The following PTPRS variants were observed in gnomAD, a reference collection of about 807,000 sequenced individuals.
PTPRS encodes receptor-type tyrosine-protein phosphatase S.
PTPRS carries 63 observed loss-of-function variants against 215.3 expected under a neutral mutation model. The observed-to-expected ratio is 0.29, with a 90% CI of 0.24 to 0.36. PTPRS has a LOEUF of 0.36. PTPRS is among the 10% of genes least tolerant of loss of function. The pLI, the probability that PTPRS is intolerant of heterozygous loss-of-function variation, is 1.00. For synonymous variants in PTPRS, 1,404 were observed against 1,191.4 expected, an observed-to-expected ratio of 1.18 and a Z score of -3.68; for missense variants, 2,258 against 2,825.8, an observed-to-expected ratio of 0.80 and a Z score of 4.56.
At position 5,335,571 on chromosome 19, in the gene PTPRS, G is replaced by A. The variant is rs1021774581; in HGVS notation, c.-95+5093C>T. Among the ~76,000 whole-genome samples the A allele has an allele frequency of 7.9e-5, 12 of 152,322 alleles. No individual in the cohort carries two copies. In the East Asian group the frequency reaches 2.3e-3, roughly 29 times the overall value. The stretch of plus-strand genomic sequence containing the variant: ...AGGGGAATTTTCAGTTCTCCAGGTA[G>A]GGGGAACAGGAGACAGCTGGCCCTT... On this transcript the variant is annotated intron_variant, in intron 1 of 37. Coordinates refer to ENST00000262963, the MANE Select transcript of PTPRS (RefSeq NM_002850.4).
In PTPRS at chr19:5,265,212, TGA is replaced by T; in HGVS notation, c.380-18_380-17del. 6.2e-7 allele frequency: 1 copy of T among 1,607,432 alleles called. No homozygotes were observed. The highest frequency in any genetic ancestry group is 1.1e-5 in the South Asian group (1 of 90,712). On this transcript the variant is annotated splice_polypyrimidine_tract_variant and intron_variant, in intron 4 of 37. Transcript: ENST00000262963. ...AGCTGGTCCTCTGAGGGCAGAGACG[TGA>T]GAGAAATGGGCATGGTTCTGAGCAC...
intron 36 of PTPRS, 48 bp from the exon 37 acceptor site, chr19:5,208,105 A>G (rs769436280): frequency 1.3e-6 from 2 of 1,592,618 alleles, no homozygotes; most frequent in Admixed American, 1.7e-5. Flanking sequence ...GGTGCTGGGG[A>G]GCCCTGATCT....
intron 1 of PTPRS, among the ~76,000 whole-genome samples, chr19:5,313,744 C>T (rs1328471199): frequency 2.0e-5 from 3 of 152,208 alleles, no homozygotes; most frequent in Admixed American, 1.3e-4. Context: ...CCTGCCTCAG[C>T]GGAACCAACC....
chr19:5,333,868 C>T (rs943886336), intron 1 of PTPRS, among the ~76,000 whole-genome samples: 2 of 152,194 alleles, frequency 1.3e-5, no homozygotes, highest in East Asian at 1.9e-4. Context: ...GGTGAATATT[C>T]GAATGAATGC....
rs147902646 is a variant in PTPRS at position 5,261,205 on chromosome 19, C to A, written c.578-383G>T. Among the ~76,000 whole-genome samples the A allele has an allele frequency of 3.9e-4, 60 of 152,180 alleles. 1 individual carries two copies. Among genetic ancestry groups the A allele is most frequent in the African/African-American group, 1.3e-3 (53 of 41,524 alleles). On this transcript the variant is annotated intron_variant, in intron 6 of 37. Transcript: ENST00000262963. Reference sequence around the variant, plus strand: ...TGAGGGAGGGAGGTTCATCACCCCCCCTTCCTTCTTTCCGTCTTAGGGAGC... The same window carrying A: ...TGAGGGAGGGAGGTTCATCACCCCCACTTCCTTCTTTCCGTCTTAGGGAGC...
At position 5,293,293 on chromosome 19, in the gene PTPRS, AGGGGCGGGGCTGTAG is replaced by A. The variant is rs1190447757; in HGVS notation, c.-94-7074_-94-7060del. 5 of 48,656 alleles carry A rather than the reference AGGGGCGGGGCTGTAG, an allele frequency of 1.0e-4. No individual in the cohort carries two copies. Among genetic ancestry groups the A allele is most frequent in the East Asian group, 1.3e-3 (2 of 1,552 alleles). The allele number at this position is 48,656 out of a possible 1,614,324, so 3.0% of individuals were successfully genotyped here. On this transcript the variant is annotated intron_variant, in intron 1 of 37. Transcript: ENST00000262963. The surrounding 1 kb of genome is among the most constrained non-coding windows in gnomAD (Gnocchi z 8.4). The stretch of plus-strand genomic sequence containing the variant: ...GGGAGCTCGGCCTGGGGGCGGGGCA[AGGGGCGGGGCTGTAG>A]GGGGCGGGGTTGCAGTGGGCGGGGC...
intron 16 of PTPRS, among the ~76,000 whole-genome samples, chr19:5,228,377 C>T (rs1030304288): frequency 6.3e-5 from 9 of 142,016 alleles, no homozygotes; most frequent in Admixed American, 2.1e-4. Context: ...ACAGGGTCTC[C>T]CTCTGCTGAC....
At chr19:5,311,436 T>C (rs1305646030) in intron 1 of PTPRS, among the ~76,000 whole-genome samples, 1 of 152,098 alleles carries the variant, frequency 6.6e-6, no homozygotes, top group African/African-American at 2.4e-5. Flanking sequence ...AGGTGCTCAA[T>C]AAGTATCCAG....
Position 5,245,959 on chromosome 19 carries a change from C to T in PTPRS, c.805G>A (p.Val269Met), listed in dbSNP as rs528031356. The T allele has an allele frequency of 1.4e-5, 22 of 1,609,292 alleles. No homozygotes were observed. Among genetic ancestry groups the T allele is most frequent in the African/African-American group, 4.0e-5 (3 of 74,884 alleles). ...GGNVNITCVAVGSPMPYVKWM... is the reference protein window; with the variant it reads ...GGNVNITCVAMGSPMPYVKWM... ...TTCACGTATGGCATGGGCGAGCCCA[C>T]GGCCACGCAGGTGATGTTCACGTTG... The change falls in exon 10 of 38, where the codon GTG becomes ATG. Residue 269 changes from valine to methionine, a missense_variant. Coordinates refer to ENST00000262963, the MANE Select transcript of PTPRS (RefSeq NM_002850.4).
intron 11 of PTPRS, 84 bp downstream of exon 11, chr19:5,243,817 A>T: frequency 1.6e-6 from 2 of 1,250,496 alleles, no homozygotes; most frequent in Admixed American, 2.9e-5. Context: ...CATAACCCAC[A>T]AACCGCTCTG....
intron 9 of PTPRS, among the ~76,000 whole-genome samples, chr19:5,254,613 G>A (rs2045413661): frequency 1.3e-5 from 2 of 152,168 alleles, no homozygotes; most frequent in Non-Finnish European, 2.9e-5. Flanking sequence ...GGGAGAGGCT[G>A]TGTCCAAGGT....
intron 1 of PTPRS, among the ~76,000 whole-genome samples, chr19:5,337,635 C>G (rs1424561897): frequency 1.3e-5 from 2 of 152,206 alleles, no homozygotes; most frequent in African/African-American, 4.8e-5. Flanking sequence ...AGACTGGTAC[C>G]AGGTCTGGGG....
chr19:5,274,094 G>GCTC, intron 3 of PTPRS, 105 bp downstream of exon 3: 1 of 1,461,104 alleles, frequency 6.8e-7, no homozygotes, highest in South Asian at 1.3e-5. Context: ...CACAGATGAT[G>GCTC]CTCCACCTGG....
intron 5 of PTPRS, 26 bp from the exon 6 acceptor site, chr19:5,262,998 GAA>G (rs1275927433): frequency 5.3e-6 from 7 of 1,308,920 alleles, no homozygotes; most frequent in African/African-American, 5.1e-5. Flanking sequence ...AGGAGGATAA[GAA>G]AAGAGAACAG....
At position 5,286,021 on chromosome 19, in the gene PTPRS, C is replaced by A. The variant is rs539118460; in HGVS notation, c.91+29G>T. ...GCACACAGGTAAACAAACACGCAGACCCCTGCACATCCCGTGCCGGCTTCT... is the reference window on the plus strand; with the variant it reads ...GCACACAGGTAAACAAACACGCAGAACCCTGCACATCCCGTGCCGGCTTCT... On this transcript the variant is annotated intron_variant, in intron 2 of 37. Transcript: ENST00000262963. 22 of 1,598,854 alleles carry A rather than the reference C, an allele frequency of 1.4e-5. No homozygotes were observed. The South Asian group carries it at 2.2e-4, about 16-fold the overall frequency.
intron 1 of PTPRS, among the ~76,000 whole-genome samples, chr19:5,309,562 C>A (rs551237963): frequency 2.0e-5 from 3 of 152,104 alleles, no homozygotes; most frequent in Non-Finnish European, 4.4e-5. Flanking sequence ...AGAACCAGCC[C>A]ACCACTTCCT....
At chr19:5,333,545 T>C (rs939702447) in intron 1 of PTPRS, among the ~76,000 whole-genome samples, 5 of 151,620 alleles carry the variant, frequency 3.3e-5, no homozygotes, top group Non-Finnish European at 7.4e-5. Context: ...TCGAACTCCT[T>C]GGGGTGGGGG....
At chr19:5,334,437 G>T (rs915782282) in intron 1 of PTPRS, among the ~76,000 whole-genome samples, 1 of 152,210 alleles carries the variant, frequency 6.6e-6, no homozygotes, top group Non-Finnish European at 1.5e-5. Context: ...AATCCCTCAA[G>T]GTGGGCACTG....
At position 5,224,127 on chromosome 19, in the gene PTPRS, C is replaced by T. The variant is rs536712645; in HGVS notation, c.2495-830G>A. 3.9e-5 allele frequency among the ~76,000 whole-genome samples: 6 copies of T among 152,070 alleles called. No individual in the cohort carries two copies. The East Asian group carries it at 1.2e-3, about 30-fold the overall frequency. ...CCAGGAGGCAGAGGTTGCAGGGAGC[C>T]AAGATCGTGCCACTGCACTCCAGCC... is the stretch of plus-strand genomic sequence containing the variant. On this transcript the variant is annotated intron_variant, in intron 17 of 37. Coordinates refer to ENST00000262963, the MANE Select transcript of PTPRS (RefSeq NM_002850.4).
Sources: allele counts gnomAD v4.1 joint callset (sites outside exome capture counted in the v4.1 genomes callset), GRCh38; gene constraint gnomAD v4.1.1; non-coding constraint Gnocchi (gnomAD v3.1); transcripts MANE v1.5; gene names NCBI Gene and HGNC (gene_info 2026-07-23, HGNC 2026-07-21).